The following OOSP2 variants were observed in gnomAD, a reference collection of about 807,000 sequenced individuals.
The protein encoded by OOSP2 is oocyte-secreted protein 2.
Under a neutral mutation model 13.4 loss-of-function variants are expected in OOSP2, and 7 were observed. That is an observed-to-expected ratio of 0.52 (90% confidence interval 0.30 to 0.98). OOSP2 has a LOEUF of 0.98. OOSP2 is among the 50% of genes least tolerant of loss of function. The pLI, the probability that OOSP2 is intolerant of heterozygous loss-of-function variation, is 0.07. For synonymous variants in OOSP2, 75 were observed against 67.2 expected (o/e 1.12, Z -0.57); for missense variants, 184 against 188.5 (o/e 0.98, Z 0.14).
intron 2 of OOSP2, among the ~76,000 whole-genome samples, chr11:60,044,035 A>G (rs1029790419): frequency 3.3e-5 from 5 of 152,228 alleles, no homozygotes; most frequent in Non-Finnish European, 7.3e-5. Context: ...GTGTAAATAT[A>G]TAGTGGATTT....
chr11:60,046,052 CTGTCTT>C (rs1269981458), intron 3 of OOSP2, among the ~76,000 whole-genome samples: 1 of 147,178 alleles, frequency 6.8e-6, no homozygotes, highest in Non-Finnish European at 1.5e-5. Flanking sequence ...GTCTGTCTCT[CTGTCTT>C]TGTCTGTCTC....
Position 60,047,374 on chromosome 11 carries a change from T to A in OOSP2, c.*301T>A, listed in dbSNP as rs1191590107. On this transcript the variant is annotated 3_prime_UTR_variant, in exon 4 of 4. Coordinates refer to ENST00000278855, the MANE Select transcript of OOSP2 (RefSeq NM_173801.5). ...AAATATGTCTTCAAAGACAATGACT[T>A]GATCTAATTGATAAGAACCTCCAAT... 3 of 182,726 alleles carry A rather than the reference T, an allele frequency of 1.6e-5. No individual in the cohort carries two copies. Among genetic ancestry groups the A allele is most frequent in the African/African-American group, 2.3e-5 (1 of 42,620 alleles). 11.3% of individuals were successfully genotyped at this position (182,726 alleles called of 1,614,324 possible).
chr11:60,043,734 T>A (rs1442408671), intron 2 of OOSP2, 87 bp downstream of exon 2: 1 of 721,900 alleles, frequency 1.4e-6, no homozygotes, highest in East Asian at 2.6e-5. Context: ...AAAAAAATAA[T>A]GTTTGCTTCT....
chr11:60,044,786 A>C lies in OOSP2; in HGVS notation c.347+12A>C. 8.0e-7 allele frequency: 1 copy of C among 1,248,444 alleles called. No individual in the cohort carries two copies. The highest frequency in any genetic ancestry group is 1.2e-6 in the Non-Finnish European group (1 of 851,668). The allele number at this position is 1,248,444 out of a possible 1,614,324, so 77.3% of individuals were successfully genotyped here. On this transcript the variant is annotated intron_variant, in intron 3 of 3. Transcript: ENST00000278855. ...TGTTCCACCTCTAGGTAAGTCCAGC[A>C]GATTTGATTCCTTTGGAATGTTTTA...
intron 3 of OOSP2, among the ~76,000 whole-genome samples, chr11:60,046,080 C>CTG (rs749202958): frequency 4.4e-4 from 40 of 91,606 alleles, no homozygotes; most frequent in African/African-American, 1.4e-3. Context: ...CTCTGTCTGT[C>CTG]TCTCTCTCTC....
At chr11:60,044,063 C>G (rs1038363147) in intron 2 of OOSP2, among the ~76,000 whole-genome samples, 6 of 152,186 alleles carry the variant, frequency 3.9e-5, no homozygotes, top group African/African-American at 1.2e-4. Context: ...AATGAAATCT[C>G]TTGTCATTCA....
chr11:60,047,142 T>C lies in OOSP2; in HGVS notation c.*69T>C, dbSNP rs1855019445. ...GCAGGAAAACAGTTTCATTTTTTCA[T>C]AGCAAAAATATAGTTGGTGTATATC... On this transcript the variant is annotated 3_prime_UTR_variant, in exon 4 of 4. Transcript: ENST00000278855. The C allele has an allele frequency of 7.5e-7, 1 of 1,325,312 alleles. No individual in the cohort carries two copies. Among genetic ancestry groups the C allele is most frequent in the Non-Finnish European group, 1.0e-6 (1 of 953,184 alleles). The allele number at this position is 1,325,312 out of a possible 1,614,324, so 82.1% of individuals were successfully genotyped here. A position where few individuals can be genotyped will look rare whatever the true frequency, so the allele number is the denominator to read the frequency against.
At chr11:60,043,066 G>A (rs1051642565) in intron 1 of OOSP2, among the ~76,000 whole-genome samples, 8 of 151,864 alleles carry the variant, frequency 5.3e-5, no homozygotes, top group East Asian at 1.9e-4. Flanking sequence ...CACCACACCC[G>A]GCTAATTTTT....
intron 3 of OOSP2, among the ~76,000 whole-genome samples, chr11:60,045,224 T>G (rs920946646): frequency 3.3e-5 from 5 of 152,194 alleles, no homozygotes; most frequent in Non-Finnish European, 7.4e-5. Flanking sequence ...CATTTAATAC[T>G]AACTCATGGA....
intron 1 of OOSP2, among the ~76,000 whole-genome samples, chr11:60,042,979 A>C (rs1005043830): frequency 2.6e-5 from 4 of 151,132 alleles, no homozygotes; most frequent in Admixed American, 2.6e-4. Context: ...ATCTTGGTTC[A>C]CTGCAAGCCC....
Position 60,048,023 on chromosome 11 carries a change from T to C in OOSP2, c.*950T>C, listed in dbSNP as rs547611465. The C allele has an allele frequency of 2.0e-5, 3 of 152,280 alleles. No homozygotes were observed. In the East Asian group the frequency reaches 5.8e-4, roughly 29 times the overall value. The allele number at this position is 152,280 out of a possible 1,614,324, so 9.4% of individuals were successfully genotyped here. The stretch of plus-strand genomic sequence containing the variant: ...TTATTATTATTTTTAATTAAAGTGA[T>C]ACTATTCCATTTTCAATTAAATGCT... On this transcript the variant is annotated 3_prime_UTR_variant, in exon 4 of 4. Transcript: ENST00000278855.
intron 1 of OOSP2, among the ~76,000 whole-genome samples, chr11:60,042,231 T>C (rs1327978310): frequency 6.6e-6 from 1 of 152,264 alleles, no homozygotes; most frequent in Non-Finnish European, 1.5e-5. Context: ...CCACTTCTCC[T>C]TTCCATCCAT....
chr11:60,043,710 TA>T, intron 2 of OOSP2, 63 bp downstream of exon 2: 1 of 886,170 alleles, frequency 1.1e-6, no homozygotes, highest in Non-Finnish European at 1.8e-6. Context: ...TGCCTAGTAT[TA>T]AAATTGTCTT....
intron 3 of OOSP2, among the ~76,000 whole-genome samples, chr11:60,045,182 A>C (rs1318629967): frequency 5.3e-5 from 8 of 152,160 alleles, no homozygotes. Context: ...TTATAAGAGT[A>C]AGTGGCTAAA....
At chr11:60,044,888 A>G (rs1854989545) in intron 3 of OOSP2, 114 bp downstream of exon 3, 1 of 463,558 alleles carries the variant, frequency 2.2e-6, no homozygotes, top group East Asian at 3.2e-5. Flanking sequence ...CCATAAGTAT[A>G]ATTGTAAACA....
intron 1 of OOSP2, 38 bp downstream of exon 1, chr11:60,040,561 G>C (rs492674): frequency 0.14 from 155,504 of 1,133,866 alleles, 13,508 homozygotes; most frequent in African/African-American, 0.34. Flanking sequence ...CCTCGAAGGA[G>C]TTAATCATAA....
intron 1 of OOSP2, among the ~76,000 whole-genome samples, chr11:60,042,289 C>T (rs1854945864): frequency 6.6e-6 from 1 of 152,148 alleles, no homozygotes; most frequent in South Asian, 2.1e-4. Context: ...AAGGACCTTC[C>T]TGATCATCTT....
At chr11:60,043,723 T>A (rs1275102471) in intron 2 of OOSP2, 76 bp downstream of exon 2, 3 of 792,164 alleles carry the variant, frequency 3.8e-6, no homozygotes, top group Non-Finnish European at 6.1e-6. Flanking sequence ...AATTGTCTTT[T>A]AAAAAAATAA....
chr11:60,041,622 T>C (rs1251587415), intron 1 of OOSP2, among the ~76,000 whole-genome samples: 4 of 147,958 alleles, frequency 2.7e-5, no homozygotes, highest in Non-Finnish European at 1.5e-5. Flanking sequence ...CCGAGACGGG[T>C]GGATCACCAG....
Sources: allele counts gnomAD v4.1 joint callset (sites outside exome capture counted in the v4.1 genomes callset), GRCh38; gene constraint gnomAD v4.1.1; transcripts MANE v1.5; gene names NCBI Gene and HGNC (gene_info 2026-07-23, HGNC 2026-07-21).